PTPRD: variants seen among roughly 807,000 people sequenced by gnomAD.
The protein encoded by PTPRD is receptor-type tyrosine-protein phosphatase delta.
Under a neutral mutation model 214.5 loss-of-function variants are expected in PTPRD, and 34 were observed. That is an observed-to-expected ratio of 0.16 (90% confidence interval 0.12 to 0.21). The LOEUF is 0.21. Among genes scored for constraint, PTPRD ranks in the 10% least tolerant of loss-of-function variants. PTPRD has a pLI of 1.00. For missense variants in PTPRD, 2,545 were observed against 2,398.7 expected, an observed-to-expected ratio of 1.06 and a Z score of -1.27; for synonymous variants, 1,128 against 845.7, an observed-to-expected ratio of 1.33 and a Z score of -5.79.
chr9:9,798,332 A>T (rs1396859593), intron 5 of PTPRD, among the ~76,000 whole-genome samples: 1 of 152,148 alleles, frequency 6.6e-6, no homozygotes, highest in Non-Finnish European at 1.5e-5. Flanking sequence ...AGACTCAAAG[A>T]AATAGAGAAA....
At chr9:9,587,441 G>C (rs1402010704) in intron 7 of PTPRD, among the ~76,000 whole-genome samples, 1 of 152,028 alleles carries the variant, frequency 6.6e-6, no homozygotes, top group African/African-American at 2.4e-5. Flanking sequence ...AGATAGGAGA[G>C]GGGCTTGCTA....
At chr9:10,116,717 G>C (rs969380236) in intron 3 of PTPRD, among the ~76,000 whole-genome samples, 1 of 152,092 alleles carries the variant, frequency 6.6e-6, no homozygotes, top group South Asian at 2.1e-4. Flanking sequence ...CTGCACTCCT[G>C]AAAACCCTCC....
At chr9:9,401,968 A>G (rs537478117) in intron 8 of PTPRD, among the ~76,000 whole-genome samples, 4 of 152,138 alleles carry the variant, frequency 2.6e-5, no homozygotes, top group South Asian at 2.1e-4. Context: ...TCTCTCCTTT[A>G]TAAGTTACCT....
chr9:10,611,910 C>A (rs971346586), intron 2 of PTPRD, among the ~76,000 whole-genome samples: 1 of 150,378 alleles, frequency 6.6e-6, no homozygotes, highest in Non-Finnish European at 1.5e-5. Context: ...TTTCCGCCCC[C>A]CCCCCCTTTT....
intron 14 of PTPRD, among the ~76,000 whole-genome samples, chr9:8,548,602 A>G (rs549568202): frequency 9.3e-4 from 139 of 149,776 alleles, no homozygotes; most frequent in Admixed American, 2.5e-3. Context: ...TCCTGACCTC[A>G]AGTGATCCAC....
intron 11 of PTPRD, among the ~76,000 whole-genome samples, chr9:8,865,655 C>T (rs1385174223): frequency 6.6e-6 from 1 of 152,084 alleles, no homozygotes; most frequent in Admixed American, 6.6e-5. Flanking sequence ...TCATCACCAC[C>T]AAGCCCAGAA....
At chr9:9,670,854 T>C (rs773469823) in intron 7 of PTPRD, among the ~76,000 whole-genome samples, 2 of 152,156 alleles carry the variant, frequency 1.3e-5, no homozygotes, top group African/African-American at 2.4e-5. Flanking sequence ...AGGCAGAAGT[T>C]TGTTGCAGGG....
chr9:10,484,031 C>T (rs1393251986), intron 2 of PTPRD, among the ~76,000 whole-genome samples: 1 of 152,076 alleles, frequency 6.6e-6, no homozygotes, highest in African/African-American at 2.4e-5. Flanking sequence ...AAGTGTCCAA[C>T]AACCAGTGAA....
At chr9:8,970,480 T>C (rs571882668) in intron 11 of PTPRD, among the ~76,000 whole-genome samples, 2 of 151,840 alleles carry the variant, frequency 1.3e-5, no homozygotes, top group Non-Finnish European at 2.9e-5. Context: ...AACTTGTTTA[T>C]TTAAGGAAAC....
chr9:9,599,829 T>C lies in PTPRD; in HGVS notation c.-286-25048A>G, dbSNP rs576319653. 7.2e-5 allele frequency among the ~76,000 whole-genome samples: 11 copies of C among 152,010 alleles called. No individual in the cohort carries two copies. The South Asian group carries it at 2.3e-3, about 31-fold the overall frequency. ...AACAATATAAACAAATGCTATTAAA[T>C]ATCTAGTTATTAGTCAAATAAAGAA... On this transcript the variant is annotated intron_variant, in intron 7 of 45. Coordinates refer to ENST00000381196, the MANE Select transcript of PTPRD (RefSeq NM_002839.4).
chr9:9,296,421 G>A (rs1953067259), intron 9 of PTPRD, among the ~76,000 whole-genome samples: 1 of 151,730 alleles, frequency 6.6e-6, no homozygotes, highest in South Asian at 2.1e-4. Context: ...TGACAAATTT[G>A]ATTTTTTAAA....
At chr9:10,067,527 G>T (rs916170259) in intron 3 of PTPRD, among the ~76,000 whole-genome samples, 1 of 151,844 alleles carries the variant, frequency 6.6e-6, no homozygotes, top group Non-Finnish European at 1.5e-5. Context: ...TCTAATACTA[G>T]CATCTAAAAT....
At chr9:10,573,690 C>A (rs114525716) in intron 2 of PTPRD, among the ~76,000 whole-genome samples, 2 of 151,888 alleles carry the variant, frequency 1.3e-5, no homozygotes, top group African/African-American at 4.8e-5. Context: ...TCTTTCCTGG[C>A]CCCTAGTGAA....
chr9:10,378,903 G>T (rs1371849149), intron 2 of PTPRD, among the ~76,000 whole-genome samples: 1 of 151,950 alleles, frequency 6.6e-6, no homozygotes, highest in Non-Finnish European at 1.5e-5. Flanking sequence ...AGATGACTTT[G>T]GGTAGTACGG....
intron 12 of PTPRD, among the ~76,000 whole-genome samples, chr9:8,725,991 C>G (rs1180948055): frequency 6.6e-6 from 1 of 151,388 alleles, no homozygotes; most frequent in Non-Finnish European, 1.5e-5. Context: ...CCACTTCACA[C>G]AGAGCTTTCC....
At chr9:8,343,260 A>C (rs139809328) in intron 39 of PTPRD, among the ~76,000 whole-genome samples, 1 of 152,198 alleles carries the variant, frequency 6.6e-6, no homozygotes, top group East Asian at 1.9e-4. Context: ...CTAGCTGGGA[A>C]TTTGATATAA....
At chr9:8,561,611 G>C (rs1416079417) in intron 14 of PTPRD, among the ~76,000 whole-genome samples, 1 of 152,176 alleles carries the variant, frequency 6.6e-6, no homozygotes, top group East Asian at 1.9e-4. Context: ...GGGGTGAGGG[G>C]GGGTGGAGAG....
At chr9:8,514,971 G>A (rs1157647377) in intron 21 of PTPRD, among the ~76,000 whole-genome samples, 3 of 152,132 alleles carry the variant, frequency 2.0e-5, no homozygotes, top group African/African-American at 7.2e-5. Flanking sequence ...CCACCATGTG[G>A]AGAAGGTCCT....
At chr9:9,439,707 T>G (rs1387324795) in intron 8 of PTPRD, among the ~76,000 whole-genome samples, 3 of 152,192 alleles carry the variant, frequency 2.0e-5, no homozygotes, top group Non-Finnish European at 2.9e-5. Flanking sequence ...ACAGTGAAGA[T>G]TCTTACCTTC....
Sources: allele counts gnomAD v4.1 joint callset (sites outside exome capture counted in the v4.1 genomes callset), GRCh38; gene constraint gnomAD v4.1.1; transcripts MANE v1.5; gene names NCBI Gene and HGNC (gene_info 2026-07-23, HGNC 2026-07-21).